LCOR: variants seen among roughly 807,000 people sequenced by gnomAD.
The protein encoded by LCOR is ligand dependent nuclear receptor corepressor, also known as ligand-dependent corepressor.
LCOR carries 14 observed loss-of-function variants against 64.4 expected under a neutral mutation model. The ratio of observed to expected loss-of-function variants is 0.22; its 90% CI spans 0.14 to 0.34. LCOR has a LOEUF of 0.34. Among genes scored for constraint, LCOR ranks in the 10% least tolerant of loss-of-function variants. The pLI, the probability that LCOR is intolerant of heterozygous loss-of-function variation, is 1.00. For missense variants in LCOR, 1,686 were observed against 1,765.3 expected (o/e 0.96, Z 0.80); for synonymous variants, 643 against 642.5 (o/e 1.00, Z -0.01).
At chr10:96,975,099 A>G (rs1034246736) in intron 7 of LCOR, among the ~76,000 whole-genome samples, 3 of 152,218 alleles carry the variant, frequency 2.0e-5, no homozygotes, top group Non-Finnish European at 4.4e-5. Flanking sequence ...TGAACCCGGG[A>G]GGTGGCGGTT....
In LCOR at chr10:96,851,734, A is replaced by AC. The variant is rs148811495; in HGVS notation, c.-330+18261dup. ...TCAACTGCTTCTGATGTTTCTTTTC[A>AC]CCCCCCAAAATAAATACAGTGTTCA... is the stretch of plus-strand genomic sequence containing the variant. On this transcript the variant is annotated intron_variant, in intron 2 of 7. Transcript: ENST00000421806. 2.9e-3 allele frequency among the ~76,000 whole-genome samples: 438 copies of AC among 152,152 alleles called. 6 individuals are homozygous for AC. The highest frequency in any genetic ancestry group is 9.5e-3 in the African/African-American group (394 of 41,502).
In LCOR at chr10:96,927,485, A is replaced by G. The variant is rs887091542; in HGVS notation, c.-183-16628A>G. On this transcript the variant is annotated intron_variant, in intron 4 of 7. Transcript: ENST00000421806. ...TTTTTTATCTCAATGAAGTTTATCA[A>G]TCTTTTTCTCTTAAAATTTATGTTT... 4.6e-5 allele frequency among the ~76,000 whole-genome samples: 7 copies of G among 152,056 alleles called. No homozygotes were observed. The East Asian group carries it at 1.2e-3, about 25-fold the overall frequency.
intron 4 of LCOR, among the ~76,000 whole-genome samples, chr10:96,930,908 G>A (rs1847248644): frequency 6.6e-6 from 1 of 152,114 alleles, no homozygotes; most frequent in Non-Finnish European, 1.5e-5. Context: ...GTTCCAGACT[G>A]TGAGAAAATA....
chr10:96,920,716 A>ATGTATATATGTTCATATATATG, intron 4 of LCOR, among the ~76,000 whole-genome samples: 2 of 133,590 alleles, frequency 1.5e-5, no homozygotes, highest in African/African-American at 3.2e-5. Context: ...GTGTGTATAT[A>ATGTATATATGTTCATATATATG]TGTATATATG....
At chr10:96,881,362 A>G (rs1483301736) in intron 2 of LCOR, among the ~76,000 whole-genome samples, 6 of 152,172 alleles carry the variant, frequency 3.9e-5, no homozygotes, top group African/African-American at 1.4e-4. Context: ...CATACTTAAT[A>G]TGTAATATAA....
At chr10:96,834,446 C>T (rs1845405731) in intron 2 of LCOR, among the ~76,000 whole-genome samples, 1 of 152,138 alleles carries the variant, frequency 6.6e-6, no homozygotes, top group Admixed American at 6.5e-5. Context: ...TTGTTTTATT[C>T]TTTCAAAGTA....
At chr10:96,832,996 G>A (rs568605968) in intron 1 of LCOR, 18 of 985,148 alleles carry the variant, frequency 1.8e-5, no homozygotes, top group African/African-American at 7.0e-5. Flanking sequence ...GGGAGCTGGA[G>A]CTGTCACAGT....
intron 7 of LCOR, among the ~76,000 whole-genome samples, chr10:96,966,418 C>T (rs1166361715): frequency 2.0e-5 from 3 of 151,584 alleles, no homozygotes; most frequent in East Asian, 1.9e-4. Flanking sequence ...TTAGTAGAAA[C>T]GGGGTTTCAC....
Position 96,982,274 on chromosome 10 carries a change from C to A in LCOR, c.1814C>A (p.Ser605Tyr), listed in dbSNP as rs780033578. ...PTKIKPNLSS[S>Y]PRSEETTASS... The stretch of plus-strand genomic sequence containing the variant: ...AAGATTAAGCCGAACCTGAGCAGCT[C>A]CCCTAGGTCAGAGGAAACGACAGCC... The change falls in exon 8 of 8, where the codon TCC (serine) becomes TAC (tyrosine). Residue 605 changes from serine (S) to tyrosine (Y), a missense_variant. By Grantham distance (144) the Ser-to-Tyr change is moderately radical. Around this residue, in one of 3 missense-constraint regions of LCOR, gnomAD observed 1,293 missense variants for 1,410.4 expected, o/e 0.92. Coordinates refer to ENST00000421806, the MANE Select transcript of LCOR (RefSeq NM_001346516.2). The A allele has an allele frequency of 1.0e-4, 162 of 1,614,204 alleles. No homozygotes were observed. The highest frequency in any genetic ancestry group is 1.4e-4 in the Non-Finnish European group (161 of 1,180,036).
intron 2 of LCOR, among the ~76,000 whole-genome samples, chr10:96,871,594 T>TC (rs905589607): frequency 1.3e-5 from 2 of 151,060 alleles, no homozygotes; most frequent in African/African-American, 4.9e-5. Flanking sequence ...TTTTTTTTTT[T>TC]GCTAGTTTTT....
chr10:96,925,450 G>A (rs750982496), intron 4 of LCOR, among the ~76,000 whole-genome samples: 2 of 151,970 alleles, frequency 1.3e-5, no homozygotes, highest in Non-Finnish European at 2.9e-5. Flanking sequence ...TCTTAATTTA[G>A]GTTTTTCTGA....
At chr10:96,921,471 TA>T (rs1264264723) in intron 4 of LCOR, among the ~76,000 whole-genome samples, 5 of 152,180 alleles carry the variant, frequency 3.3e-5, no homozygotes, top group Non-Finnish European at 7.3e-5. Context: ...TTTTAATTTT[TA>T]TTTTTTGGAG....
chr10:96,888,892 A>G lies in LCOR; in HGVS notation c.-329-18373A>G, dbSNP rs575716216. ...ATAGTTATGTTTTTTAGAGAATGTCATATAAATGGAATCATACACTGTGTA... is the reference window on the plus strand; with the variant it reads ...ATAGTTATGTTTTTTAGAGAATGTCGTATAAATGGAATCATACACTGTGTA... On this transcript the variant is annotated intron_variant, in intron 2 of 7. Coordinates refer to ENST00000421806, the MANE Select transcript of LCOR (RefSeq NM_001346516.2). 7.9e-5 allele frequency among the ~76,000 whole-genome samples: 12 copies of G among 152,346 alleles called. No individual in the cohort carries two copies. In the South Asian group the frequency reaches 2.5e-3, roughly 32 times the overall value.
Position 96,988,727 on chromosome 10 carries a change from T to C in LCOR, c.*3593T>C, listed in dbSNP as rs1230792519. The C allele has an allele frequency of 1.3e-5, 2 of 152,248 alleles. No homozygotes were observed. Among genetic ancestry groups the C allele is most frequent in the African/African-American group, 2.4e-5 (1 of 41,464 alleles). The allele number at this position is 152,248 out of a possible 1,614,324, so 9.4% of individuals were successfully genotyped here. On this transcript the variant is annotated 3_prime_UTR_variant, in exon 8 of 8. Coordinates refer to ENST00000421806, the MANE Select transcript of LCOR (RefSeq NM_001346516.2). ...CATGCTATGTGATACAAGCTGGAGA[T>C]GCTGTAGTGTTACTATCAGCAAGTT...
chr10:96,961,349 A>G (rs1242127857), intron 7 of LCOR: 2 of 152,122 alleles, frequency 1.3e-5, no homozygotes, highest in Non-Finnish European at 2.9e-5. Flanking sequence ...TTTATTGGAT[A>G]TAGCAAATAT....
rs1848091508 is a variant in LCOR at position 96,981,962 on chromosome 10, C to T, written c.1502C>T (p.Thr501Ile). ...LSSRKTARKSTRGYFFNGDCC... is the reference protein window; with the variant it reads ...LSSRKTARKSIRGYFFNGDCC... ...TCTCGGAAAACAGCCAGAAAGAGTACTCGAGGATACTTTTTCAATGGTGAC... is the reference window on the plus strand; with the variant it reads ...TCTCGGAAAACAGCCAGAAAGAGTATTCGAGGATACTTTTTCAATGGTGAC... Residue 501 changes from threonine (T) to isoleucine (I), a missense_variant, in exon 8 of 8, where the codon ACT (threonine) becomes ATT (isoleucine). Transcript: ENST00000421806. 1.2e-6 allele frequency: 2 copies of T among 1,614,080 alleles called. No homozygotes were observed. The highest frequency in any genetic ancestry group is 1.7e-6 in the Non-Finnish European group (2 of 1,180,036).
intron 4 of LCOR, among the ~76,000 whole-genome samples, chr10:96,941,627 G>C (rs543444252): frequency 2.7e-5 from 4 of 148,178 alleles, no homozygotes; most frequent in African/African-American, 1.0e-4. Flanking sequence ...CAGGCGGAGG[G>C]GCTCCTCACT....
intron 7 of LCOR, among the ~76,000 whole-genome samples, chr10:96,966,447 A>C (rs935209204): frequency 1.1e-4 from 17 of 151,662 alleles, no homozygotes; most frequent in African/African-American, 3.4e-4. Flanking sequence ...CCAAGATGGT[A>C]TCGATCTCCT....
intron 2 of LCOR, among the ~76,000 whole-genome samples, chr10:96,876,408 A>G (rs1203922760): frequency 6.6e-6 from 1 of 152,230 alleles, no homozygotes; most frequent in East Asian, 1.9e-4. Flanking sequence ...CAACACATGA[A>G]ATTTGGGGAT....
Sources: gnomAD v4.1 joint callset for allele counts (sites outside exome capture counted in the v4.1 genomes callset) on GRCh38, gnomAD v4.1.1 for gene constraint, gnomAD v4.1.1 regional missense constraint, MANE v1.5 for transcripts, NCBI Gene and HGNC (gene_info 2026-07-23, HGNC 2026-07-21) for gene names.